KSR2: variants seen among roughly 807,000 people sequenced by gnomAD.
The protein encoded by KSR2 is kinase suppressor of ras 2.
A neutral mutation model predicts 107.8 loss-of-function variants in KSR2; 25 were observed. The observed-to-expected ratio is 0.23, with a 90% CI of 0.17 to 0.32. The LOEUF is 0.32. Among genes scored for constraint, KSR2 ranks in the 10% least tolerant of loss-of-function variants. The pLI is 1.00. For missense variants in KSR2, 887 were observed against 1,268.9 expected (o/e 0.70, Z 4.57); for synonymous variants, 480 against 507.0 (o/e 0.95, Z 0.71).
In KSR2 at chr12:117,968,891, CGCTGCT is replaced by C. The variant is rs761063521; in HGVS notation, c.-642_-637del. The C allele has an allele frequency of 1.3e-4, 31 of 247,408 alleles. No individual in the cohort carries two copies. The highest frequency in any genetic ancestry group is 3.1e-4 in the South Asian group (8 of 26,146). 15.3% of individuals were successfully genotyped at this position (247,408 alleles called of 1,614,324 possible). A position where few individuals can be genotyped will look rare whatever the true frequency, so the allele number is the denominator to read the frequency against. On this transcript the variant is annotated 5_prime_UTR_variant, in exon 1 of 20. Coordinates refer to ENST00000339824, the MANE Select transcript of KSR2 (RefSeq NM_173598.6). ...GCGGCTGGCTGCTGTCTCCTCCCCG[CGCTGCT>C]GCTGCTGCTGCTGCTGCCGCCGCCG...
At chr12:117,698,164 C>T (rs556727177) in intron 4 of KSR2, among the ~76,000 whole-genome samples, 30 of 152,276 alleles carry the variant, frequency 2.0e-4, no homozygotes, top group African/African-American at 6.5e-4. Flanking sequence ...CTTCTGGCCC[C>T]CAGAACTGTG....
At chr12:117,967,084 A>G (rs1479757979) in intron 1 of KSR2, among the ~76,000 whole-genome samples, 8 of 152,214 alleles carry the variant, frequency 5.3e-5, no homozygotes, top group Admixed American at 5.2e-4. Context: ...TGAACAATGC[A>G]GATGTCCAGT....
intron 3 of KSR2, among the ~76,000 whole-genome samples, chr12:117,847,406 T>C (rs1375596878): frequency 6.6e-6 from 1 of 152,132 alleles, no homozygotes; most frequent in Non-Finnish European, 1.5e-5. Context: ...TCCCCCTTGA[T>C]ACTCAAGAGA....
At chr12:117,956,264 A>G (rs905911456) in intron 1 of KSR2, among the ~76,000 whole-genome samples, 1 of 148,948 alleles carries the variant, frequency 6.7e-6, no homozygotes, top group Non-Finnish European at 1.5e-5. Context: ...AAAAAAAAAA[A>G]AAAAAAAAAA....
Position 117,889,559 on chromosome 12 carries a change from C to G in KSR2, c.181-29128G>C, listed in dbSNP as rs559043965. 5 of 152,116 alleles carry G rather than the reference C, an allele frequency of 3.3e-5. No individual in the cohort carries two copies. The South Asian group carries it at 1.0e-3, about 32-fold the overall frequency. 9.4% of individuals were successfully genotyped at this position (152,116 alleles called of 1,614,324 possible). A position where few individuals can be genotyped will look rare whatever the true frequency, so the allele number is the denominator to read the frequency against. On this transcript the variant is annotated intron_variant, in intron 1 of 19. Transcript: ENST00000339824. ...GTGTGACTATTTTTAAATAACGAGACGTGGGGCCATAGTGTCAGCACAGTC... is the reference window on the plus strand; with the variant it reads ...GTGTGACTATTTTTAAATAACGAGAGGTGGGGCCATAGTGTCAGCACAGTC...
intron 3 of KSR2, among the ~76,000 whole-genome samples, chr12:117,832,975 G>C (rs559363485): frequency 7.9e-5 from 12 of 152,148 alleles, no homozygotes; most frequent in Admixed American, 7.9e-4. Context: ...TGCACAGCAC[G>C]TGGGCTCCCA....
chr12:117,827,065 G>A (rs534848307), intron 3 of KSR2, among the ~76,000 whole-genome samples: 3 of 147,106 alleles, frequency 2.0e-5, no homozygotes, highest in Non-Finnish European at 3.0e-5. Flanking sequence ...CATAATCATC[G>A]TGGGCAGTAG....
rs56350161 is a variant in KSR2, at chr12:117,524,956, C to A, written c.2115G>T (p.Lys705Asn). 3 of 1,613,900 alleles carry A rather than the reference C, an allele frequency of 1.9e-6. No individual in the cohort carries two copies. Among genetic ancestry groups the A allele is most frequent in the Non-Finnish European group, 2.5e-6 (3 of 1,179,868 alleles). ...DIERDNEDQL[K>N]AFKREVMAYR... is the part of the protein sequence containing the mutation. ...AGGCCATCACCTCCCGCTTGAAGGCCTTGAGCTGGTCCTCGTTGTCCCTCT... is the reference window on the plus strand; with the variant it reads ...AGGCCATCACCTCCCGCTTGAAGGCATTGAGCTGGTCCTCGTTGTCCCTCT... The change falls in exon 14 of 20, where the codon AAG becomes AAT. Residue 705 changes from lysine to asparagine, a missense_variant. This residue lies in a region of KSR2 where 308 missense variants were observed against 506.2 expected (regional missense o/e 0.61). Transcript: ENST00000339824.
chr12:117,578,847 G>C (rs973400056), intron 7 of KSR2, among the ~76,000 whole-genome samples: 6 of 152,170 alleles, frequency 3.9e-5, no homozygotes, highest in African/African-American at 1.4e-4. Flanking sequence ...CCTGGCCTTA[G>C]ATGTTATGAA....
intron 7 of KSR2, among the ~76,000 whole-genome samples, chr12:117,558,779 TA>T (rs1476157897): frequency 2.7e-5 from 3 of 109,750 alleles, no homozygotes; most frequent in African/African-American, 1.1e-4. Context: ...CATAAATTGG[TA>T]GATGGATTGA....
chr12:117,776,892 G>T (rs1265719647), intron 3 of KSR2, among the ~76,000 whole-genome samples: 5 of 151,692 alleles, frequency 3.3e-5, no homozygotes, highest in Non-Finnish European at 7.4e-5. Flanking sequence ...ATCAGTTCTT[G>T]TTATTTGTGG....
At chr12:117,771,621 A>G (rs1889452840) in intron 3 of KSR2, among the ~76,000 whole-genome samples, 1 of 152,174 alleles carries the variant, frequency 6.6e-6, no homozygotes, top group Admixed American at 6.5e-5. Context: ...GCATCGTTTC[A>G]TTTAATCTTC....
chr12:117,629,877 G>A (rs1267332410), intron 5 of KSR2, among the ~76,000 whole-genome samples: 4 of 152,342 alleles, frequency 2.6e-5, no homozygotes, highest in South Asian at 2.1e-4. Context: ...AAGAAGAGTT[G>A]TACATATCCT....
At chr12:117,850,848 G>A (rs1441957984) in intron 3 of KSR2, among the ~76,000 whole-genome samples, 2 of 151,734 alleles carry the variant, frequency 1.3e-5, no homozygotes, top group African/African-American at 4.8e-5. Context: ...CCATTACTAT[G>A]TGCTAGATAT....
At chr12:117,532,477 C>G (rs1295866884) in intron 10 of KSR2, among the ~76,000 whole-genome samples, 1 of 152,186 alleles carries the variant, frequency 6.6e-6, no homozygotes, top group African/African-American at 2.4e-5. Flanking sequence ...CCTCCCATCT[C>G]AAGATCCATA....
In KSR2 at chr12:117,887,383, G is replaced by A. The variant is rs1294331121; in HGVS notation, c.181-26952C>T. 2.0e-5 allele frequency among the ~76,000 whole-genome samples: 3 copies of A among 152,218 alleles called. No homozygotes were observed. The East Asian group carries it at 5.8e-4, about 29-fold the overall frequency. Reference sequence around the variant, plus strand: ...TCCCAAGTGCTGGGATTACAGGCACGAGTGACGGCACCTGGCCCCTTGACT... The same window carrying A: ...TCCCAAGTGCTGGGATTACAGGCACAAGTGACGGCACCTGGCCCCTTGACT... On this transcript the variant is annotated intron_variant, in intron 1 of 19. Transcript: ENST00000339824.
chr12:117,919,787 G>A (rs1032105528), intron 1 of KSR2, among the ~76,000 whole-genome samples: 4 of 152,248 alleles, frequency 2.6e-5, no homozygotes, highest in African/African-American at 7.2e-5. Context: ...CAATTGTGGA[G>A]TTGAAGCCTC....
At chr12:117,712,097 T>C (rs761984222) in intron 4 of KSR2, among the ~76,000 whole-genome samples, 2 of 152,210 alleles carry the variant, frequency 1.3e-5, no homozygotes, top group Admixed American at 6.5e-5. Context: ...CATGCATGTC[T>C]CACTCCCATG....
intron 3 of KSR2, among the ~76,000 whole-genome samples, chr12:117,809,664 G>A (rs1891131331): frequency 1.3e-5 from 2 of 152,188 alleles, no homozygotes. Context: ...TTATGAATCA[G>A]TTGACTGGTT....
Sources: gnomAD v4.1 joint callset for allele counts (sites outside exome capture counted in the v4.1 genomes callset) on GRCh38, gnomAD v4.1.1 for gene constraint, gnomAD v4.1.1 regional missense constraint, MANE v1.5 for transcripts, NCBI Gene and HGNC (gene_info 2026-07-23, HGNC 2026-07-21) for gene names.